The following HUNK variants were observed in gnomAD, a reference collection of about 807,000 sequenced individuals.
HUNK encodes the protein hormonally up-regulated neu tumor-associated kinase.
A neutral mutation model predicts 61.0 loss-of-function variants in HUNK; 21 were observed. That is an observed-to-expected ratio of 0.34 (90% confidence interval 0.24 to 0.50). HUNK has a LOEUF of 0.50. HUNK is among the 20% of genes least tolerant of loss of function. The pLI, the probability that HUNK is intolerant of heterozygous loss-of-function variation, is 0.98. For synonymous variants in HUNK, 371 were observed against 386.1 expected (o/e 0.96, Z 0.46); for missense variants, 772 against 945.7 (o/e 0.82, Z 2.41).
chr21:31,905,811 G>A (rs2052501287), intron 1 of HUNK, among the ~76,000 whole-genome samples: 1 of 152,242 alleles, frequency 6.6e-6, no homozygotes, highest in South Asian at 2.1e-4. Context: ...TAGCCCCGAT[G>A]TTTAGTGTGT....
At chr21:31,968,229 T>G (rs1206182860) in intron 5 of HUNK, 21 bp from the exon 6 acceptor site, 1 of 1,614,000 alleles carries the variant, frequency 6.2e-7, no homozygotes, top group Non-Finnish European at 8.5e-7. Context: ...ATGCGTGCAT[T>G]CTTTCCCAAA....
rs2052232391 is a variant in HUNK, at chr21:31,873,665, G to GA, written c.-10_-9insA. The GA allele has an allele frequency of 1.2e-6, 1 of 847,060 alleles. No individual in the cohort carries two copies. Among genetic ancestry groups the GA allele is most frequent in the Non-Finnish European group, 1.3e-6 (1 of 770,938 alleles). The allele number at this position is 847,060 out of a possible 1,614,324, so 52.5% of individuals were successfully genotyped here. A position where few individuals can be genotyped will look rare whatever the true frequency, so the allele number is the denominator to read the frequency against. On this transcript the variant is annotated 5_prime_UTR_variant, in exon 1 of 11. Coordinates refer to ENST00000270112, the MANE Select transcript of HUNK (RefSeq NM_014586.2). The surrounding 1 kb of genome is among the most constrained non-coding windows in gnomAD (Gnocchi z 6.1). Reference sequence around the variant, plus strand: ...GACGAGCAGGAGCCGCGCGGGCCGCGGCGAGCGCGATGCCGGCGGCGGCGG... The same window carrying GA: ...GACGAGCAGGAGCCGCGCGGGCCGCGAGCGAGCGCGATGCCGGCGGCGGCGG...
chr21:31,913,769 C>A (rs1375828218), intron 1 of HUNK, among the ~76,000 whole-genome samples: 1 of 151,746 alleles, frequency 6.6e-6, no homozygotes, highest in Non-Finnish European at 1.5e-5. Context: ...TGGGATAGAA[C>A]CTCAGGGAGG....
chr21:31,985,305 C>A (rs988928593), intron 8 of HUNK, among the ~76,000 whole-genome samples: 3 of 152,198 alleles, frequency 2.0e-5, no homozygotes, highest in Admixed American at 6.5e-5. Context: ...CATCCTGATC[C>A]CATGAGCGGT....
intron 1 of HUNK, among the ~76,000 whole-genome samples, chr21:31,899,595 T>G (rs1406194053): frequency 6.6e-6 from 1 of 152,230 alleles, no homozygotes; most frequent in Non-Finnish European, 1.5e-5. Context: ...AGGACTTCAA[T>G]GTATCTTTAT....
chr21:31,961,081 C>G (rs552757871), intron 5 of HUNK, among the ~76,000 whole-genome samples: 1 of 152,334 alleles, frequency 6.6e-6, no homozygotes, highest in African/African-American at 2.4e-5. Flanking sequence ...TGCTGCTCCT[C>G]TGTAGCCACA....
At chr21:31,968,715 AGTGTGTGTGTGTGTGT>A (rs746064468) in intron 6 of HUNK, among the ~76,000 whole-genome samples, 21 of 88,344 alleles carry the variant, frequency 2.4e-4, no homozygotes, top group South Asian at 2.0e-3. Flanking sequence ...CTGTGGCCCG[AGTGTGTGTGTGTGTGT>A]GTGTGTGTGT....
intron 7 of HUNK, among the ~76,000 whole-genome samples, chr21:31,980,376 CTTCTTT>C (rs1568940506): frequency 8.4e-6 from 1 of 119,370 alleles, no homozygotes. Flanking sequence ...GGCCTGTCTT[CTTCTTT>C]TTTTTTTTTT....
At chr21:31,993,946 C>G (rs1397607110) in intron 9 of HUNK, among the ~76,000 whole-genome samples, 1 of 152,188 alleles carries the variant, frequency 6.6e-6, no homozygotes, top group African/African-American at 2.4e-5. Flanking sequence ...CCTGACCCTG[C>G]TGCAGGCTCT....
intron 1 of HUNK, among the ~76,000 whole-genome samples, chr21:31,892,703 C>G (rs1276355911): frequency 2.0e-5 from 3 of 151,744 alleles, no homozygotes; most frequent in Admixed American, 2.0e-4. Context: ...TAGTAAGAAA[C>G]AGATACCCAC....
chr21:31,950,623 T>C (rs2052842931), intron 4 of HUNK, among the ~76,000 whole-genome samples: 1 of 152,178 alleles, frequency 6.6e-6, no homozygotes, highest in Non-Finnish European at 1.5e-5. Context: ...GAGCAAACTT[T>C]CTATCTGTCT....
intron 4 of HUNK, among the ~76,000 whole-genome samples, chr21:31,949,875 G>T (rs988044824): frequency 4.6e-5 from 7 of 152,286 alleles, no homozygotes; most frequent in African/African-American, 1.4e-4. Flanking sequence ...GGAGGTGCCA[G>T]GCTCTTTGTA....
At chr21:31,950,693 A>T (rs1319893380) in intron 4 of HUNK, among the ~76,000 whole-genome samples, 4 of 152,154 alleles carry the variant, frequency 2.6e-5, no homozygotes, top group Non-Finnish European at 4.4e-5. Flanking sequence ...GGTGCCCATG[A>T]CTTTGCTGGC....
intron 4 of HUNK, among the ~76,000 whole-genome samples, chr21:31,948,448 C>T (rs1335820548): frequency 6.6e-6 from 1 of 152,204 alleles, no homozygotes; most frequent in Non-Finnish European, 1.5e-5. Context: ...CTCCCATGTA[C>T]CCTCCAGTGC....
chr21:31,928,394 T>C (rs926607308), intron 2 of HUNK, among the ~76,000 whole-genome samples: 2 of 152,160 alleles, frequency 1.3e-5, no homozygotes, highest in African/African-American at 4.8e-5. Context: ...CAAAATCCAA[T>C]CCCTCTCAGC....
intron 1 of HUNK, among the ~76,000 whole-genome samples, chr21:31,879,006 G>A (rs2052286475): frequency 6.6e-6 from 1 of 152,220 alleles, no homozygotes; most frequent in East Asian, 1.9e-4. Flanking sequence ...TAGGCTAAGA[G>A]TAAGGGTTGC....
At chr21:31,895,274 T>G (rs543719310) in intron 1 of HUNK, among the ~76,000 whole-genome samples, 1 of 152,326 alleles carries the variant, frequency 6.6e-6, no homozygotes, top group Non-Finnish European at 1.5e-5. Context: ...TTCAACCTGC[T>G]TCAGGGGCCC....
At chr21:31,976,506 G>A (rs1006594963) in intron 7 of HUNK, among the ~76,000 whole-genome samples, 24 of 112,110 alleles carry the variant, frequency 2.1e-4, no homozygotes, top group Non-Finnish European at 3.0e-4. Flanking sequence ...TTTCTCTGTC[G>A]CCTAGGCTGG....
In HUNK at chr21:31,999,086, G is replaced by A; in HGVS notation, c.2047G>A (p.Ala683Thr). The change falls in exon 11 of 11, where the codon GCA (alanine) becomes ACA (threonine). Residue 683 changes from alanine (A) to threonine (T), a missense_variant. Physicochemically the swap from Ala to Thr is moderately conservative, Grantham distance 58 (BLOSUM62 0). Coordinates refer to ENST00000270112, the MANE Select transcript of HUNK (RefSeq NM_014586.2). ...RKRHQSLQPS[A>T]DRPLEASLPP... ...GCGCCATCAGAGTCTGCAGCCATCT[G>A]CAGATAGGCCCCTGGAGGCCAGCCT... 1 of 1,614,212 alleles carries A rather than the reference G, an allele frequency of 6.2e-7. No homozygotes were observed. Among genetic ancestry groups the A allele is most frequent in the South Asian group, 1.1e-5 (1 of 91,092 alleles).
Sources: gnomAD v4.1 joint callset for allele counts (sites outside exome capture counted in the v4.1 genomes callset) on GRCh38, gnomAD v4.1.1 for gene constraint, Gnocchi (gnomAD v3.1) non-coding constraint, MANE v1.5 for transcripts, NCBI Gene and HGNC (gene_info 2026-07-23, HGNC 2026-07-21) for gene names.